Variants in COL28A1 observed in about 807,000 individuals in gnomAD.
COL28A1 encodes the protein collagen type XXVIII alpha 1 chain.
In COL28A1, 161 loss-of-function variants were observed where a neutral mutation model predicts 150.2. The observed-to-expected ratio is 1.07, with a 90% confidence interval of 0.94 to 1.22. The LOEUF (loss-of-function observed/expected upper bound fraction) is 1.22. Ranked by LOEUF, COL28A1 falls within the 50% of genes most tolerant of loss-of-function variation. The probability of loss-of-function intolerance (pLI) is 0.00; values close to 1 mark genes in which losing one functional copy is unlikely to be tolerated. For synonymous variants in COL28A1, 552 were observed against 469.7 expected (o/e 1.18, Z -2.26); for missense variants, 1,617 against 1,388.3 (o/e 1.16, Z -2.62).
intron 25 of COL28A1, among the ~76,000 whole-genome samples, chr7:7,427,571 G>C (rs1387697931): frequency 6.6e-6 from 1 of 152,164 alleles, no homozygotes; most frequent in Non-Finnish European, 1.5e-5. Flanking sequence ...GTGTACATAT[G>C]TGAGCCATTG....
chr7:7,495,446 T>G (rs113222528), intron 11 of COL28A1, among the ~76,000 whole-genome samples: 6 of 152,242 alleles, frequency 3.9e-5, no homozygotes, highest in African/African-American at 1.4e-4. Context: ...AGATGTCTTG[T>G]GGGGAGTTGG....
At chr7:7,463,314 C>G (rs1049466740) in intron 15 of COL28A1, among the ~76,000 whole-genome samples, 1 of 152,122 alleles carries the variant, frequency 6.6e-6, no homozygotes, top group Non-Finnish European at 1.5e-5. Context: ...AATTGTAATT[C>G]TTTAATAACA....
At chr7:7,348,275 G>A in the COL28A1 span, among the ~76,000 whole-genome samples, 11 of 152,052 alleles carry the variant, frequency 7.2e-5, no homozygotes, top group African/African-American at 2.2e-4. Flanking sequence ...GTTACGTAGT[G>A]TAAGGGGGAG....
At chr7:7,375,827 T>C (rs1327462874) in intron 30 of COL28A1, among the ~76,000 whole-genome samples, 5 of 152,188 alleles carry the variant, frequency 3.3e-5, no homozygotes, top group Non-Finnish European at 7.3e-5. Flanking sequence ...ATGCACACAT[T>C]AGCACAGGGT....
chr7:7,503,755 T>C (rs1474877375), intron 11 of COL28A1, among the ~76,000 whole-genome samples: 3 of 152,258 alleles, frequency 2.0e-5, no homozygotes, highest in South Asian at 2.1e-4. Context: ...AGAAATTATA[T>C]AGAAGTTAGT....
At chr7:7,535,021 C>T (rs990240399) in intron 1 of COL28A1, among the ~76,000 whole-genome samples, 2 of 152,078 alleles carry the variant, frequency 1.3e-5, no homozygotes, top group East Asian at 1.9e-4. Flanking sequence ...TTTCTAATCA[C>T]TTTTTACCAT....
the COL28A1 span, among the ~76,000 whole-genome samples, chr7:7,338,767 C>T: frequency 3.9e-5 from 6 of 152,206 alleles, no homozygotes; most frequent in East Asian, 1.2e-3. Context: ...GTAGTTTCTC[C>T]TACCAAGAGG....
intron 9 of COL28A1, among the ~76,000 whole-genome samples, 164 bp from the exon 10 acceptor site, chr7:7,507,325 G>A (rs997155879): frequency 2.0e-5 from 3 of 151,986 alleles, no homozygotes; most frequent in African/African-American, 7.3e-5. Flanking sequence ...CAAGCCAAGG[G>A]GTAGGAGTGT....
intron 11 of COL28A1, among the ~76,000 whole-genome samples, chr7:7,505,295 T>C (rs1296938906): frequency 1.3e-5 from 2 of 152,198 alleles, no homozygotes; most frequent in African/African-American, 2.4e-5. Context: ...ATAAATTCCA[T>C]ACCACTCAAA....
chr7:7,485,582 TTTATAG>T (rs1779584031), intron 13 of COL28A1, among the ~76,000 whole-genome samples: 1 of 152,206 alleles, frequency 6.6e-6, no homozygotes, highest in Non-Finnish European at 1.5e-5. Flanking sequence ...TTCTAAAAGT[TTTATAG>T]TTTTTACATT....
rs1157642884 is a variant in COL28A1 at position 7,373,689 on chromosome 7, G to A, written c.2360-143C>T. 2.5e-5 allele frequency: 17 copies of A among 678,466 alleles called. No individual in the cohort carries two copies. The highest frequency in any genetic ancestry group is 3.8e-5 in the Non-Finnish European group (16 of 419,578). 42.0% of individuals were successfully genotyped at this position (678,466 alleles called of 1,614,324 possible). ...GTGATTGTGAAAATACCTGACAGCT[G>A]TCTCCATTCTGGTTTCTTTTTTTTT... On this transcript the variant is annotated intron_variant, in intron 31 of 34. Transcript: ENST00000399429. This position sits in a 1 kb window ranked among gnomAD's most constrained non-coding sequence, Gnocchi z 4.1.
intron 11 of COL28A1, among the ~76,000 whole-genome samples, chr7:7,495,562 C>T (rs1780163036): frequency 6.6e-6 from 1 of 152,292 alleles, no homozygotes; most frequent in Non-Finnish European, 1.5e-5. Flanking sequence ...CAGGGAAGGG[C>T]ACCAGAATCC....
intron 18 of COL28A1, among the ~76,000 whole-genome samples, chr7:7,445,024 G>T (rs911637221): frequency 3.3e-5 from 5 of 152,060 alleles, no homozygotes; most frequent in Non-Finnish European, 5.9e-5. Context: ...TCACTCTCCT[G>T]CTCCTCCATG....
At chr7:7,483,561 T>A (rs1277108205) in intron 13 of COL28A1, among the ~76,000 whole-genome samples, 1 of 152,170 alleles carries the variant, frequency 6.6e-6, no homozygotes, top group African/African-American at 2.4e-5. Flanking sequence ...AGGAAACCCC[T>A]GGAGTACAAA....
At chr7:7,352,757 T>C (rs576071292), downstream of COL28A1, among the ~76,000 whole-genome samples, 6 of 152,268 alleles carry the variant, frequency 3.9e-5, no homozygotes, top group South Asian at 1.2e-3. Context: ...ACATAACACA[T>C]TGTTGTTGTT....
At chr7:7,379,988 C>G (rs764821321) in intron 30 of COL28A1, among the ~76,000 whole-genome samples, 22 of 152,214 alleles carry the variant, frequency 1.4e-4, no homozygotes, top group Non-Finnish European at 2.1e-4. Flanking sequence ...CCTAGTACAT[C>G]GAATCAGCCC....
intron 25 of COL28A1, among the ~76,000 whole-genome samples, chr7:7,430,315 C>T (rs771809541): frequency 6.6e-6 from 1 of 151,940 alleles, no homozygotes; most frequent in African/African-American, 2.4e-5. Flanking sequence ...TTAGTAGAGA[C>T]GGGGTTTCAC....
intron 34 of COL28A1, among the ~76,000 whole-genome samples, chr7:7,359,165 CAAATT>C (rs1240037730): frequency 6.6e-6 from 1 of 151,944 alleles, no homozygotes; most frequent in African/African-American, 2.4e-5. Flanking sequence ...GATTTACAAT[CAAATT>C]AATATTTGGA....
chr7:7,401,285 T>C (rs1484367342), intron 27 of COL28A1, among the ~76,000 whole-genome samples: 1 of 151,998 alleles, frequency 6.6e-6, no homozygotes, highest in African/African-American at 2.4e-5. Flanking sequence ...TTCTCTTCTA[T>C]GTATACTCTC....
Sources: gnomAD v4.1 joint callset for allele counts (sites outside exome capture counted in the v4.1 genomes callset) on GRCh38, gnomAD v4.1.1 for gene constraint, Gnocchi (gnomAD v3.1) non-coding constraint, MANE v1.5 for transcripts, NCBI Gene and HGNC (gene_info 2026-07-23, HGNC 2026-07-21) for gene names.